The following MYO5B variants were observed in gnomAD, a reference collection of about 807,000 sequenced individuals.
The protein encoded by MYO5B is unconventional myosin-Vb.
MYO5B carries 143 observed loss-of-function variants against 229.3 expected under a neutral mutation model. The ratio of observed to expected loss-of-function variants is 0.62; its 90% confidence interval spans 0.54 to 0.72. The LOEUF is 0.72. Ranked by LOEUF, MYO5B falls within the 30% of genes least tolerant of loss-of-function variation. The pLI is 0.00. For missense variants in MYO5B, 2,321 were observed against 2,331.0 expected, an observed-to-expected ratio of 1.00 and a Z score of 0.09; for synonymous variants, 918 against 885.2, an observed-to-expected ratio of 1.04 and a Z score of -0.66.
intron 23 of MYO5B, chr18:49,879,316 G>T (rs1297026028): frequency 1.2e-5 from 7 of 567,080 alleles, no homozygotes; most frequent in South Asian, 2.0e-5. Flanking sequence ...CAGGGAATGG[G>T]GAGAGAGAAG....
intron 30 of MYO5B, among the ~76,000 whole-genome samples, chr18:49,855,024 G>T (rs980448390): frequency 2.0e-5 from 3 of 152,166 alleles, no homozygotes; most frequent in Non-Finnish European, 4.4e-5. Flanking sequence ...AAAATAACAT[G>T]AGATTTGTGG....
intron 1 of MYO5B, among the ~76,000 whole-genome samples, chr18:50,133,590 G>A (rs113473369): frequency 6.9e-4 from 105 of 152,202 alleles, no homozygotes; most frequent in African/African-American, 2.3e-3. Flanking sequence ...CCCTCCGTCC[G>A]TCCGTCTGTC....
chr18:50,091,206 C>T (rs1035701799), intron 1 of MYO5B, among the ~76,000 whole-genome samples: 3 of 152,148 alleles, frequency 2.0e-5, no homozygotes, highest in Non-Finnish European at 4.4e-5. Context: ...CATTCAGACG[C>T]ACTGGAAGTT....
chr18:50,090,384 G>A (rs866379526), intron 1 of MYO5B, among the ~76,000 whole-genome samples: 3 of 150,694 alleles, frequency 2.0e-5, no homozygotes, highest in South Asian at 2.1e-4. Context: ...AACAAATTAT[G>A]TCCATGTAAG....
At chr18:50,039,545 A>G (rs1398697635) in intron 3 of MYO5B, among the ~76,000 whole-genome samples, 1 of 151,998 alleles carries the variant, frequency 6.6e-6, no homozygotes, top group African/African-American at 2.4e-5. Context: ...GTTAGTGAGG[A>G]TGGTCTCAAT....
intron 4 of MYO5B, among the ~76,000 whole-genome samples, chr18:50,027,059 T>C (rs1362110519): frequency 6.6e-6 from 1 of 152,198 alleles, no homozygotes; most frequent in Non-Finnish European, 1.5e-5. Context: ...TTCTGGGATA[T>C]AAATGTGAAA....
At chr18:50,177,788 T>C (rs2033017501) in intron 1 of MYO5B, among the ~76,000 whole-genome samples, 2 of 152,304 alleles carry the variant, frequency 1.3e-5, no homozygotes, top group East Asian at 1.9e-4. Context: ...GGAAGGCATG[T>C]TGAGAGACTG....
At chr18:50,180,077 C>T (rs560493104) in intron 1 of MYO5B, among the ~76,000 whole-genome samples, 5 of 152,198 alleles carry the variant, frequency 3.3e-5, no homozygotes, top group Admixed American at 6.5e-5. Flanking sequence ...GGGCCTTCTC[C>T]ACACCTGAAA....
intron 1 of MYO5B, among the ~76,000 whole-genome samples, chr18:50,137,126 C>CA (rs5824827): frequency 0.86 from 130,407 of 152,182 alleles, 56,010 homozygotes; most frequent in Admixed American, 0.89. Context: ...AAGTTTCAAG[C>CA]ATTGCAAAAA....
chr18:49,986,640 C>T (rs2025873517), intron 7 of MYO5B, among the ~76,000 whole-genome samples: 1 of 152,182 alleles, frequency 6.6e-6, no homozygotes, highest in Admixed American at 6.5e-5. Context: ...CATTTTAGCT[C>T]TTTCTTACCT....
rs569417020 is a variant in MYO5B, at chr18:50,180,110, G to A, written c.27+14657C>T. Among the ~76,000 whole-genome samples, 19 of 152,240 alleles carry A rather than the reference G, an allele frequency of 1.2e-4. No individual in the cohort carries two copies. In the East Asian group the frequency reaches 1.5e-3, roughly 12 times the overall value. On this transcript the variant is annotated intron_variant, in intron 1 of 39. Transcript: ENST00000285039. The stretch of plus-strand genomic sequence containing the variant: ...AAAAGGAAAAGCATGTTGTAACCTC[G>A]AGGTTCCCCATCAATGCTGGTGCTT...
At chr18:49,946,352 A>G (rs1204307635) in intron 14 of MYO5B, 1 of 152,166 alleles carries the variant, frequency 6.6e-6, no homozygotes, top group Non-Finnish European at 1.5e-5. Flanking sequence ...CTGAGATCAG[A>G]TAAGCTCAGG....
chr18:50,090,404 G>GT (rs955427700), intron 1 of MYO5B, among the ~76,000 whole-genome samples: 58 of 151,608 alleles, frequency 3.8e-4, no homozygotes, highest in African/African-American at 1.4e-3. Flanking sequence ...GACACACTTT[G>GT]TGTCTGCTCA....
intron 1 of MYO5B, among the ~76,000 whole-genome samples, chr18:50,077,484 AACACAC>A (rs67439768): frequency 9.2e-6 from 1 of 108,144 alleles, no homozygotes; most frequent in Non-Finnish European, 2.1e-5. Flanking sequence ...ATCAAGGCAA[AACACAC>A]ACACACACAC....
At chr18:50,040,095 T>C (rs1318804082) in intron 3 of MYO5B, 48 bp downstream of exon 3, 4 of 1,594,582 alleles carry the variant, frequency 2.5e-6, no homozygotes, top group South Asian at 2.2e-5. Context: ...AGTCTAAAGC[T>C]GGTAAGCACT....
intron 16 of MYO5B, among the ~76,000 whole-genome samples, chr18:49,935,326 G>A (rs147991111): frequency 1.3e-5 from 2 of 152,298 alleles, no homozygotes; most frequent in East Asian, 3.9e-4. Context: ...CACCAGACAG[G>A]TTTCAAGCAC....
chr18:49,861,885 A>G (rs1433176270), intron 29 of MYO5B, among the ~76,000 whole-genome samples: 1 of 152,174 alleles, frequency 6.6e-6, no homozygotes, highest in Non-Finnish European at 1.5e-5. Context: ...CCACCTAATG[A>G]CATTTTTGGG....
intron 1 of MYO5B, among the ~76,000 whole-genome samples, chr18:50,100,899 CT>C (rs1295735548): frequency 1.3e-5 from 2 of 152,196 alleles, no homozygotes; most frequent in African/African-American, 4.8e-5. Context: ...ACCCAGAACT[CT>C]GCTTTGGGAG....
chr18:49,877,945 A>G (rs2024545736), intron 24 of MYO5B, 63 bp from the exon 25 acceptor site: 2 of 1,600,578 alleles, frequency 1.2e-6, no homozygotes, highest in Admixed American at 3.3e-5. Context: ...TTTACCTCCC[A>G]TGGTGGCAGG....
Sources: allele counts gnomAD v4.1 joint callset (sites outside exome capture counted in the v4.1 genomes callset), GRCh38; gene constraint gnomAD v4.1.1; transcripts MANE v1.5; gene names NCBI Gene and HGNC (gene_info 2026-07-23, HGNC 2026-07-21).